The following LSAMP variants were observed in gnomAD, a reference collection of about 807,000 sequenced individuals.
LSAMP encodes the protein limbic system associated membrane protein, also known as limbic system-associated membrane protein.
A neutral mutation model predicts 38.6 loss-of-function variants in LSAMP; 7 were observed. That is an observed-to-expected ratio of 0.18 (90% CI 0.10 to 0.34). LSAMP has a LOEUF of 0.34. Among genes scored for constraint, LSAMP ranks in the 10% least tolerant of loss-of-function variants. The pLI, the probability that LSAMP is intolerant of heterozygous loss-of-function variation, is 1.00. For synonymous variants in LSAMP, 154 were observed against 166.8 expected, an observed-to-expected ratio of 0.92 and a Z score of 0.59; for missense variants, 313 against 420.0, an observed-to-expected ratio of 0.75 and a Z score of 2.23.
In LSAMP at chr3:116,136,895, C is replaced by T. The variant is rs979185179; in HGVS notation, c.156-50339G>A. On this transcript the variant is annotated intron_variant, in intron 1 of 6. Coordinates refer to ENST00000490035, the MANE Select transcript of LSAMP (RefSeq NM_002338.5). ...TTTATTTAGCTCATTACATTAGTTT[C>T]CTAGGGACTGCCATAAAAAATACCA... Among the ~76,000 whole-genome samples, 4 of 152,182 alleles carry T rather than the reference C, an allele frequency of 2.6e-5. No homozygotes were observed. In the East Asian group the frequency reaches 5.8e-4, roughly 22 times the overall value.
intron 1 of LSAMP, among the ~76,000 whole-genome samples, chr3:116,334,609 T>C (rs2047894516): frequency 6.6e-6 from 1 of 152,100 alleles, no homozygotes; most frequent in South Asian, 2.1e-4. Flanking sequence ...TCAATCAATG[T>C]AATATATCAC....
intron 1 of LSAMP, among the ~76,000 whole-genome samples, chr3:116,117,766 C>T (rs1335141892): frequency 6.6e-6 from 1 of 151,924 alleles, no homozygotes; most frequent in East Asian, 1.9e-4. Context: ...GGGAGGAAAC[C>T]ACAGAGGTAA....
intron 1 of LSAMP, among the ~76,000 whole-genome samples, chr3:116,246,359 A>G (rs536834764): frequency 6.6e-6 from 1 of 152,164 alleles, no homozygotes; most frequent in Admixed American, 6.5e-5. Flanking sequence ...AATTTTTCAT[A>G]TACAATATAT....
chr3:116,239,651 C>T (rs1014742588), intron 1 of LSAMP, among the ~76,000 whole-genome samples: 1 of 152,080 alleles, frequency 6.6e-6, no homozygotes, highest in African/African-American at 2.4e-5. Flanking sequence ...AACAGAACAA[C>T]ATTGGGTCTT....
In LSAMP at chr3:115,841,935, C is replaced by A; in HGVS notation, c.829G>T (p.Val277Leu). 4 of 1,613,850 alleles carry A rather than the reference C, an allele frequency of 2.5e-6. No individual in the cohort carries two copies. Among genetic ancestry groups the A allele is most frequent in the Non-Finnish European group, 3.4e-6 (4 of 1,179,982 alleles). ...TAGTGCTCCTCAGTGACGTTGGTCA[C>A]CGTCAGGGAAGACTGGCCCTCCGTG... ...KSTEGQSSLT[V>L]TNVTEEHYGN... The change falls in exon 6 of 7, where the codon GTG becomes TTG. Residue 277 changes from valine (V) to leucine (L), a missense_variant. By Grantham distance (32) the Val-to-Leu change is conservative. Coordinates refer to ENST00000490035, the MANE Select transcript of LSAMP (RefSeq NM_002338.5).
At chr3:116,358,616 C>G (rs2048257821) in intron 1 of LSAMP, among the ~76,000 whole-genome samples, 1 of 152,150 alleles carries the variant, frequency 6.6e-6, no homozygotes, top group Non-Finnish European at 1.5e-5. Flanking sequence ...ATAATAAAAT[C>G]CACCGATCGA....
chr3:116,429,806 C>T (rs1204861299), intron 1 of LSAMP, among the ~76,000 whole-genome samples: 1 of 152,104 alleles, frequency 6.6e-6, no homozygotes, highest in Non-Finnish European at 1.5e-5. Flanking sequence ...CAGACGACAT[C>T]ATGTTTTACT....
At chr3:116,329,386 G>A (rs988287044) in intron 1 of LSAMP, among the ~76,000 whole-genome samples, 2 of 152,122 alleles carry the variant, frequency 1.3e-5, no homozygotes, top group African/African-American at 4.8e-5. Flanking sequence ...AGAAATCTCA[G>A]TTGTTCGTTT....
intron 1 of LSAMP, among the ~76,000 whole-genome samples, chr3:116,221,133 A>G (rs1346747235): frequency 7.9e-6 from 1 of 126,358 alleles, no homozygotes; most frequent in African/African-American, 3.1e-5. Flanking sequence ...CCTGTGTGAC[A>G]GAGCGAGACT....
rs1278520870 is a variant in LSAMP, at chr3:115,809,026, A to G, written c.*1291T>C. Reference sequence around the variant, plus strand: ...TCTCCAAGTGGTTCATCATTCTTTCACTGGGAGTTGACACTTGGAGACCTT... The same window carrying G: ...TCTCCAAGTGGTTCATCATTCTTTCGCTGGGAGTTGACACTTGGAGACCTT... On this transcript the variant is annotated 3_prime_UTR_variant, in exon 7 of 7. Transcript: ENST00000490035. The G allele has an allele frequency of 6.6e-6, 1 of 152,152 alleles. No homozygotes were observed. The highest frequency in any genetic ancestry group is 1.5e-5 in the Non-Finnish European group (1 of 68,038). 9.4% of individuals were successfully genotyped at this position (152,152 alleles called of 1,614,324 possible).
chr3:116,333,593 T>C (rs1216620431), intron 1 of LSAMP, among the ~76,000 whole-genome samples: 1 of 147,654 alleles, frequency 6.8e-6, no homozygotes. Context: ...TAGATTGAAG[T>C]CAGAAATCAA....
chr3:116,262,909 G>A (rs1405631647), intron 1 of LSAMP, among the ~76,000 whole-genome samples: 3 of 152,142 alleles, frequency 2.0e-5, no homozygotes, highest in Non-Finnish European at 2.9e-5. Flanking sequence ...AAGGGATTGA[G>A]GACTTCAGAT....
intron 4 of LSAMP, among the ~76,000 whole-genome samples, chr3:115,844,319 A>C (rs1317185742): frequency 1.3e-5 from 2 of 152,342 alleles, no homozygotes; most frequent in Admixed American, 1.3e-4. Flanking sequence ...CAGGATTAGC[A>C]GTCAAGAAGA....
rs1377545190 is a variant in LSAMP, at chr3:115,997,743, TATATATATATAC to T, written c.514+21760_514+21771del. Among the ~76,000 whole-genome samples the T allele has an allele frequency of 1.7e-3, 150 of 87,368 alleles. 1 individual carries two copies. Among genetic ancestry groups the T allele is most frequent in the African/African-American group, 6.4e-3 (141 of 22,194 alleles). The allele number at this position is 87,368 out of a possible 152,430, so 57.3% of individuals were successfully genotyped here. ...ATATATATATATATATATATATATA[TATATATATATAC>T]ACACACATACATACACACACATATA... On this transcript the variant is annotated intron_variant, in intron 3 of 6. Transcript: ENST00000490035.
At chr3:116,095,703 G>A (rs950559320) in intron 1 of LSAMP, among the ~76,000 whole-genome samples, 5 of 152,224 alleles carry the variant, frequency 3.3e-5, no homozygotes, top group Admixed American at 6.5e-5. Context: ...CACAGCTGGA[G>A]TTAGAGTCAA....
chr3:115,894,104 C>T (rs543877553), intron 3 of LSAMP, among the ~76,000 whole-genome samples: 56 of 152,108 alleles, frequency 3.7e-4, no homozygotes, highest in African/African-American at 1.2e-3. Flanking sequence ...TAGATAAATA[C>T]GCATAACTCT....
intron 1 of LSAMP, among the ~76,000 whole-genome samples, chr3:116,097,036 G>A (rs1043482677): frequency 6.6e-6 from 1 of 152,136 alleles, no homozygotes; most frequent in Admixed American, 6.5e-5. Context: ...CATTTGGAAA[G>A]AGAAAAAACT....
chr3:115,998,076 C>A (rs1342355924), intron 3 of LSAMP, among the ~76,000 whole-genome samples: 1 of 139,336 alleles, frequency 7.2e-6, no homozygotes, highest in Admixed American at 7.4e-5. Flanking sequence ...CTGTGACAAT[C>A]AAAAAATGTC....
chr3:116,267,859 T>G (rs925285188), intron 1 of LSAMP, among the ~76,000 whole-genome samples: 7 of 152,000 alleles, frequency 4.6e-5, no homozygotes, highest in African/African-American at 1.4e-4. Context: ...CAGTTTATAG[T>G]CTCCCTTGCT....
Sources: allele counts gnomAD v4.1 joint callset (sites outside exome capture counted in the v4.1 genomes callset), GRCh38; gene constraint gnomAD v4.1.1; transcripts MANE v1.5; gene names NCBI Gene and HGNC (gene_info 2026-07-23, HGNC 2026-07-21).